The following DPYD variants were observed in gnomAD, a reference collection of about 807,000 sequenced individuals.
DPYD encodes the protein dihydropyrimidine dehydrogenase.
In DPYD, 109 loss-of-function variants were observed where a neutral mutation model predicts 116.2. That is an observed-to-expected ratio of 0.94 (90% CI 0.80 to 1.10). The LOEUF is 1.10. Among genes scored for constraint, DPYD ranks in the 50% least tolerant of loss-of-function variants. DPYD has a pLI of 0.00. For synonymous variants in DPYD, 440 were observed against 432.0 expected, an observed-to-expected ratio of 1.02 and a Z score of -0.23; for missense variants, 1,302 against 1,254.5, an observed-to-expected ratio of 1.04 and a Z score of -0.57.
At chr1:97,546,544 C>A in intron 12 of DPYD, 5 of 1,597,144 alleles carry the variant, frequency 3.1e-6, no homozygotes, top group Non-Finnish European at 4.3e-6. Flanking sequence ...AAGCATACAG[C>A]AAGAAGAGAG....
rs1284540734 is a variant in DPYD, at chr1:97,203,672, C to A, written c.2443-10424G>T. On this transcript the variant is annotated intron_variant, in intron 19 of 22. Coordinates refer to ENST00000370192, the MANE Select transcript of DPYD (RefSeq NM_000110.4). ...AAAGGATGAGTTCAGACCCCCCCCC[C>A]CCAAAAAAAAAAAAAGAGAAAAAGT... 3.5e-4 allele frequency among the ~76,000 whole-genome samples: 20 copies of A among 57,914 alleles called. 4 individuals carry two copies. The highest frequency in any genetic ancestry group is 1.1e-3 in the African/African-American group (17 of 15,180). 38.0% of individuals were successfully genotyped at this position (57,914 alleles called of 152,430 possible).
At chr1:97,701,680 C>T in intron 5 of DPYD, among the ~76,000 whole-genome samples, 1 of 151,808 alleles carries the variant, frequency 6.6e-6, no homozygotes, top group East Asian at 1.9e-4. Context: ...ACATAAGGAA[C>T]ATCCAAACAA....
At chr1:97,865,465 G>A (rs966579220) in intron 2 of DPYD, among the ~76,000 whole-genome samples, 4 of 151,882 alleles carry the variant, frequency 2.6e-5, no homozygotes, top group Non-Finnish European at 5.9e-5. Context: ...TCATTTATGT[G>A]ATGGAAAAGT....
chr1:97,809,594 A>G (rs1308181420), intron 3 of DPYD, among the ~76,000 whole-genome samples: 2 of 152,200 alleles, frequency 1.3e-5, no homozygotes, highest in African/African-American at 4.8e-5. Flanking sequence ...AGGACTACCT[A>G]AAATTTGGGA....
chr1:97,313,497 CTG>C (rs58100703), intron 16 of DPYD, among the ~76,000 whole-genome samples: 61 of 148,606 alleles, frequency 4.1e-4, no homozygotes, highest in Middle Eastern at 3.5e-3. Context: ...ACATGTGTGC[CTG>C]TGTGTGTGTG....
intron 20 of DPYD, among the ~76,000 whole-genome samples, chr1:97,170,679 CTTT>C (rs571244785): frequency 7.0e-6 from 1 of 143,456 alleles, no homozygotes; most frequent in Admixed American, 7.0e-5. Flanking sequence ...CTTTCCATTT[CTTT>C]TTTTTTTTTT....
chr1:97,541,890 AAAT>A (rs1450456592), intron 12 of DPYD, among the ~76,000 whole-genome samples: 3 of 152,208 alleles, frequency 2.0e-5, no homozygotes, highest in Non-Finnish European at 4.4e-5. Flanking sequence ...TGGTAGAAGA[AAAT>A]AAATATGCCT....
chr1:97,903,026 C>T (rs1015047805), intron 1 of DPYD, among the ~76,000 whole-genome samples: 1 of 151,754 alleles, frequency 6.6e-6, no homozygotes, highest in African/African-American at 2.4e-5. Context: ...ATTAAGGTTA[C>T]TGGGCTGGCA....
chr1:97,562,460 G>C (rs1235197999), intron 11 of DPYD, among the ~76,000 whole-genome samples: 1 of 152,068 alleles, frequency 6.6e-6, no homozygotes, highest in East Asian at 1.9e-4. Flanking sequence ...GGTAAGTCTT[G>C]AAAACACTTT....
chr1:97,883,958 T>G (rs1414414714), intron 1 of DPYD: 2 of 364,348 alleles, frequency 5.5e-6, no homozygotes, highest in Non-Finnish European at 1.0e-5. Flanking sequence ...GGGAAAATCC[T>G]AATACAATGA....
chr1:97,337,214 C>A (rs920715369), intron 16 of DPYD, among the ~76,000 whole-genome samples: 1 of 152,080 alleles, frequency 6.6e-6, no homozygotes, highest in Non-Finnish European at 1.5e-5. Context: ...AAAAGCTGAA[C>A]AGAGAGTAAG....
chr1:97,295,765 A>G (rs939878846), intron 18 of DPYD: 1 of 984,302 alleles, frequency 1.0e-6, no homozygotes, highest in Middle Eastern at 5.2e-4. Flanking sequence ...TGCTACTGTA[A>G]GAGACATAGT....
chr1:97,488,706 T>C (rs527778442), intron 13 of DPYD, among the ~76,000 whole-genome samples: 9 of 152,278 alleles, frequency 5.9e-5, no homozygotes, highest in African/African-American at 2.2e-4. Context: ...AGACAAGACA[T>C]GTCCACCAGT....
chr1:97,215,468 G>A (rs1199831139), intron 19 of DPYD, among the ~76,000 whole-genome samples: 5 of 151,992 alleles, frequency 3.3e-5, no homozygotes, highest in African/African-American at 7.2e-5. Context: ...CTAGAGAGCC[G>A]AAGTCCACTT....
At chr1:97,116,565 G>A (rs1326161595) in intron 20 of DPYD, among the ~76,000 whole-genome samples, 3 of 151,916 alleles carry the variant, frequency 2.0e-5, no homozygotes, top group Non-Finnish European at 2.9e-5. Context: ...CCAGCTACTC[G>A]GAAGGCTGAG....
chr1:97,620,571 T>C (rs1420061917), intron 8 of DPYD, among the ~76,000 whole-genome samples: 7 of 152,214 alleles, frequency 4.6e-5, no homozygotes, highest in Non-Finnish European at 1.0e-4. Flanking sequence ...ATCTGCCCTC[T>C]TAAAATTAAC....
At chr1:97,699,242 T>C (rs1661460509) in intron 6 of DPYD, 109 bp downstream of exon 6, 1 of 1,144,338 alleles carries the variant, frequency 8.7e-7, no homozygotes, top group Non-Finnish European at 1.3e-6. Context: ...ACATTTAAAA[T>C]ACCATCTGTG....
chr1:97,827,269 C>G (rs560105866), intron 3 of DPYD, among the ~76,000 whole-genome samples: 2 of 151,912 alleles, frequency 1.3e-5, no homozygotes, highest in East Asian at 3.9e-4. Flanking sequence ...TAGAAGAAGG[C>G]GTATTTTAAA....
chr1:97,403,659 C>T (rs1008074075), intron 14 of DPYD, among the ~76,000 whole-genome samples: 14 of 151,958 alleles, frequency 9.2e-5, no homozygotes, highest in African/African-American at 3.4e-4. Context: ...GATGTCCACC[C>T]TTTCATTTCT....
Sources: gnomAD v4.1 joint callset for allele counts (sites outside exome capture counted in the v4.1 genomes callset) on GRCh38, gnomAD v4.1.1 for gene constraint, MANE v1.5 for transcripts, NCBI Gene and HGNC (gene_info 2026-07-23, HGNC 2026-07-21) for gene names.